The following ULK4 variants were observed in gnomAD, a reference collection of about 807,000 sequenced individuals.
ULK4 encodes unc-51 like kinase 4.
Under a neutral mutation model 160.6 loss-of-function variants are expected in ULK4, and 133 were observed. The ratio of observed to expected loss-of-function variants is 0.83; its 90% CI spans 0.72 to 0.96. The LOEUF (loss-of-function observed/expected upper bound fraction) is 0.96. Among genes scored for constraint, ULK4 ranks in the 40% least tolerant of loss-of-function variants. The pLI is 0.00. For synonymous variants in ULK4, 534 were observed against 539.8 expected, an observed-to-expected ratio of 0.99 and a Z score of 0.15; for missense variants, 1,580 against 1,499.5, an observed-to-expected ratio of 1.05 and a Z score of -0.89.
At chr3:41,825,842 C>T (rs975764172) in intron 18 of ULK4, among the ~76,000 whole-genome samples, 1 of 152,058 alleles carries the variant, frequency 6.6e-6, no homozygotes, top group Middle Eastern at 3.2e-3. Context: ...AGAGCAACTC[C>T]AAGACACATA....
intron 13 of ULK4, 47 bp downstream of exon 13, chr3:41,900,678 G>A (rs1300885994): frequency 1.4e-6 from 2 of 1,397,324 alleles, no homozygotes; most frequent in Non-Finnish European, 2.0e-6. Context: ...GCAGATTTCA[G>A]ATCTCAGTAA....
intron 34 of ULK4, among the ~76,000 whole-genome samples, chr3:41,402,437 A>G (rs1464565289): frequency 6.6e-6 from 1 of 152,116 alleles, no homozygotes; most frequent in African/African-American, 2.4e-5. Flanking sequence ...CTTGTACCCA[A>G]TCTTAGGGAG....
At chr3:41,731,969 T>C (rs1207953722) in intron 22 of ULK4, among the ~76,000 whole-genome samples, 3 of 152,106 alleles carry the variant, frequency 2.0e-5, no homozygotes. Flanking sequence ...TCTCACCGTA[T>C]ACAAAAATCA....
intron 17 of ULK4, among the ~76,000 whole-genome samples, chr3:41,856,512 A>AATATATATATATAT (rs376773321): frequency 1.0e-4 from 10 of 99,172 alleles, no homozygotes; most frequent in Non-Finnish European, 1.7e-4. Flanking sequence ...TAAATAAATA[A>AATATATATATATAT]ATATATATAT....
intron 29 of ULK4, among the ~76,000 whole-genome samples, chr3:41,673,353 T>C (rs542347618): frequency 9.8e-5 from 15 of 152,296 alleles, no homozygotes; most frequent in African/African-American, 3.6e-4. Context: ...CGACTTTTGC[T>C]GGACATTATT....
At chr3:41,297,758 T>A (rs17055245) in intron 35 of ULK4, among the ~76,000 whole-genome samples, 2,005 of 152,296 alleles carry the variant, frequency 0.013, 51 homozygotes, top group African/African-American at 0.046. Flanking sequence ...ACTTCAAAAG[T>A]GAACTGCCTT....
At chr3:41,485,448 G>C (rs915815235) in intron 32 of ULK4, among the ~76,000 whole-genome samples, 2 of 152,102 alleles carry the variant, frequency 1.3e-5, no homozygotes, top group African/African-American at 4.8e-5. Flanking sequence ...AAATAAGAAG[G>C]GAGAGAAAAT....
Position 41,512,419 on chromosome 3 carries a change from C to T in ULK4, c.3227-49166G>A, listed in dbSNP as rs190725831. ...TCCTAGAACTGGTAAATGAATTCAG[C>T]AAAGTTGCAGGATATAAAATTAATG... On this transcript the variant is annotated intron_variant, in intron 32 of 36. Coordinates refer to ENST00000301831, the MANE Select transcript of ULK4 (RefSeq NM_017886.4). Among the ~76,000 whole-genome samples the T allele has an allele frequency of 8.0e-4, 122 of 152,252 alleles. 2 individuals carry two copies. The highest frequency in any genetic ancestry group is 2.9e-3 in the African/African-American group (121 of 41,562).
intron 35 of ULK4, among the ~76,000 whole-genome samples, chr3:41,357,940 T>A (rs865982673): frequency 2.0e-5 from 3 of 152,198 alleles, no homozygotes. Context: ...AATAGCCTCA[T>A]GTATAAAAAG....
chr3:41,755,268 A>G (rs1192171446), intron 21 of ULK4, among the ~76,000 whole-genome samples: 1 of 152,100 alleles, frequency 6.6e-6, no homozygotes, highest in African/African-American at 2.4e-5. Context: ...TGTGTCCAAG[A>G]CAGATTTAAG....
At chr3:41,940,196 C>A (rs1328926620) in intron 2 of ULK4, among the ~76,000 whole-genome samples, 8 of 152,086 alleles carry the variant, frequency 5.3e-5, no homozygotes, top group Admixed American at 5.2e-4. Flanking sequence ...AAGCGCCAGG[C>A]CCCTCATTCA....
Position 41,681,794 on chromosome 3 carries a change from T to C in ULK4, c.2792A>G (p.Tyr931Cys), listed in dbSNP as rs982999492. ...LKDYRSTVVD[Y>C]ILPPLVSLVQ... ...CAAGGACACCAAGGGTGGCAGTATA[T>C]AGTCAACAACCTAAAAGAAAGCATG... is the stretch of plus-strand genomic sequence containing the variant. Residue 931 changes from tyrosine (Y) to cysteine (C), a missense_variant, in exon 28 of 37, where the codon TAT becomes TGT. By Grantham distance (194) the Tyr-to-Cys change is radical. Coordinates refer to ENST00000301831, the MANE Select transcript of ULK4 (RefSeq NM_017886.4). 7.4e-6 allele frequency: 12 copies of C among 1,613,870 alleles called. No homozygotes were observed. Among genetic ancestry groups the C allele is most frequent in the African/African-American group, 4.0e-5 (3 of 74,906 alleles).
intron 34 of ULK4, among the ~76,000 whole-genome samples, chr3:41,406,666 C>T (rs1300102276): frequency 6.6e-6 from 1 of 152,162 alleles, no homozygotes; most frequent in Admixed American, 6.5e-5. Flanking sequence ...TCCTGTTTCT[C>T]ATTCTGCTCA....
chr3:41,637,867 T>C (rs184953921), intron 30 of ULK4, among the ~76,000 whole-genome samples: 104 of 152,318 alleles, frequency 6.8e-4, no homozygotes, highest in African/African-American at 2.4e-3. Context: ...TCAGATCCTT[T>C]GCCCATTTTA....
chr3:41,476,529 T>C (rs2084149172), intron 32 of ULK4, among the ~76,000 whole-genome samples: 1 of 152,194 alleles, frequency 6.6e-6, no homozygotes, highest in African/African-American at 2.4e-5. Flanking sequence ...TGGCTCTTTC[T>C]GTCTTCATCT....
chr3:41,640,297 T>C (rs2034129793), intron 30 of ULK4, among the ~76,000 whole-genome samples: 1 of 152,166 alleles, frequency 6.6e-6, no homozygotes, highest in African/African-American at 2.4e-5. Flanking sequence ...TTCTTAAAAA[T>C]GACTGGTGAA....
chr3:41,949,432 AT>A (rs368229748), intron 2 of ULK4, among the ~76,000 whole-genome samples: 18,038 of 141,466 alleles, frequency 0.13, 1,209 homozygotes, highest in Middle Eastern at 0.26. Flanking sequence ...GATTAGCGGA[AT>A]TTTTTTTTTT....
intron 30 of ULK4, among the ~76,000 whole-genome samples, chr3:41,660,270 G>A (rs535865203): frequency 6.6e-6 from 1 of 151,938 alleles, no homozygotes; most frequent in South Asian, 2.1e-4. Flanking sequence ...ACACCAGCCT[G>A]TGGCAACAAG....
At chr3:41,298,331 TTAAAGA>T (rs2079713338) in intron 35 of ULK4, among the ~76,000 whole-genome samples, 2 of 152,174 alleles carry the variant, frequency 1.3e-5, no homozygotes, top group Non-Finnish European at 2.9e-5. Context: ...TCCTAAGAGT[TTAAAGA>T]TAAAGAGTTT....
Sources: gnomAD v4.1 joint callset for allele counts (sites outside exome capture counted in the v4.1 genomes callset) on GRCh38, gnomAD v4.1.1 for gene constraint, MANE v1.5 for transcripts, NCBI Gene and HGNC (gene_info 2026-07-23, HGNC 2026-07-21) for gene names.